WIPF1: variants seen among roughly 807,000 people sequenced by gnomAD.
WIPF1 encodes WAS/WASL-interacting protein family member 1.
Under a neutral mutation model 35.4 loss-of-function variants are expected in WIPF1, and 13 were observed. That is an observed-to-expected ratio of 0.37 (90% CI 0.24 to 0.58). The LOEUF is 0.58. Among genes scored for constraint, WIPF1 ranks in the 20% least tolerant of loss-of-function variants. The pLI, the probability that WIPF1 is intolerant of heterozygous loss-of-function variation, is 0.74. For synonymous variants in WIPF1, 267 were observed against 266.3 expected (o/e 1.00, Z -0.02); for missense variants, 591 against 667.0 (o/e 0.89, Z 1.25).
chr2:174,576,384 C>T (rs1231065676), intron 3 of WIPF1, among the ~76,000 whole-genome samples: 1 of 152,056 alleles, frequency 6.6e-6, no homozygotes, highest in Non-Finnish European at 1.5e-5. Context: ...ACTTTGTTAG[C>T]ACTTCTTGTG....
chr2:174,595,273 A>C (rs34377313), intron 1 of WIPF1, among the ~76,000 whole-genome samples: 39,562 of 133,672 alleles, frequency 0.3, 6,334 homozygotes, highest in Middle Eastern at 0.35. Flanking sequence ...TGTGGATGAC[A>C]GAGCAAAACC....
At chr2:174,565,184 C>T (rs1411538687) in intron 7 of WIPF1, among the ~76,000 whole-genome samples, 3 of 152,100 alleles carry the variant, frequency 2.0e-5, no homozygotes, top group South Asian at 2.1e-4. Flanking sequence ...CGTGAGCCAC[C>T]GTGCCTGGCC....
At position 174,561,369 on chromosome 2, in the gene WIPF1, C is replaced by T. The variant is rs900179777; in HGVS notation, c.*1178G>A. 1.3e-5 allele frequency: 2 copies of T among 152,222 alleles called. No homozygotes were observed. The highest frequency in any genetic ancestry group is 2.9e-5 in the Non-Finnish European group (2 of 68,072). The allele number at this position is 152,222 out of a possible 1,614,324, so 9.4% of individuals were successfully genotyped here. On this transcript the variant is annotated 3_prime_UTR_variant, in exon 8 of 8. Coordinates refer to ENST00000679041, the MANE Select transcript of WIPF1 (RefSeq NM_001375834.1). Reference sequence around the variant, plus strand: ...CTCCTACCAAGCCTTCCTAGTCTCTCCCAGCCTCAGGAGCTTGCTCAGCCA... The same window carrying T: ...CTCCTACCAAGCCTTCCTAGTCTCTTCCAGCCTCAGGAGCTTGCTCAGCCA...
At chr2:174,632,709 C>CAAAAAA (rs71024821) in intron 1 of WIPF1, among the ~76,000 whole-genome samples, 1 of 68,908 alleles carries the variant, frequency 1.5e-5, no homozygotes, top group Non-Finnish European at 2.6e-5. Flanking sequence ...AACTCCATCT[C>CAAAAAA]AAAAAAAAAA....
chr2:174,671,824 T>C (rs1328465434), intron 1 of WIPF1, among the ~76,000 whole-genome samples: 1 of 152,176 alleles, frequency 6.6e-6, no homozygotes, highest in African/African-American at 2.4e-5. Context: ...TCAAACCCTG[T>C]CTCCTGATGT....
intron 1 of WIPF1, chr2:174,676,910 C>T (rs1688144349): frequency 6.6e-6 from 1 of 152,052 alleles, no homozygotes; most frequent in African/African-American, 2.4e-5. Context: ...CACCTGTAAT[C>T]CCAGCCCTTT....
In WIPF1 at chr2:174,624,316, T is replaced by C. The variant is rs1317020396; in HGVS notation, c.-38-38705A>G. Among the ~76,000 whole-genome samples, 5 of 152,286 alleles carry C rather than the reference T, an allele frequency of 3.3e-5. No individual in the cohort carries two copies. The East Asian group carries it at 9.6e-4, about 29-fold the overall frequency. On this transcript the variant is annotated intron_variant, in intron 1 of 8. Coordinates refer to the WIPF1 transcript ENST00000272746. Reference sequence around the variant, plus strand: ...CCGCAAAATTCAAATCTTCTTAAACTTGGGGCCCTCTGAAAACATTAATCA... The same window carrying C: ...CCGCAAAATTCAAATCTTCTTAAACCTGGGGCCCTCTGAAAACATTAATCA...
chr2:174,602,655 C>T (rs1278395571), upstream of WIPF1, among the ~76,000 whole-genome samples: 2 of 152,230 alleles, frequency 1.3e-5, no homozygotes, highest in African/African-American at 4.8e-5. Flanking sequence ...GAATAATCCT[C>T]TCCACCACAT....
intron 7 of WIPF1, 114 bp from the exon 8 acceptor site, chr2:174,562,716 G>A: frequency 2.2e-6 from 3 of 1,362,228 alleles, no homozygotes; most frequent in Non-Finnish European, 3.1e-6. Context: ...GACCAGGGCT[G>A]TCAGCTAACT....
rs772302114 is a variant in WIPF1 at position 174,575,331 on chromosome 2, G to A, written c.231C>T (p.Gly77=). ...AGGGGGGFGG[G]GGFGGGGGGG... ...CACCACCTCCTCCGCCAAATCCGCC[G>A]CCTCCACCAAAGCCACCACCACCGC... Residue 77 remains glycine, a synonymous_variant, in exon 4 of 8, where the codon GGC becomes GGT. Transcript: ENST00000679041. The A allele has an allele frequency of 3.0e-5, 48 of 1,613,146 alleles. No individual in the cohort carries two copies. The highest frequency in any genetic ancestry group is 3.6e-5 in the Non-Finnish European group (43 of 1,179,708).
chr2:174,672,701 C>T (rs1688045785), intron 1 of WIPF1, among the ~76,000 whole-genome samples: 1 of 152,164 alleles, frequency 6.6e-6, no homozygotes, highest in Non-Finnish European at 1.5e-5. Context: ...TGGTGTGTCC[C>T]ATCGGAGGCA....
chr2:174,657,879 C>T (rs1188570584), intron 1 of WIPF1, among the ~76,000 whole-genome samples: 3 of 134,426 alleles, frequency 2.2e-5, no homozygotes, highest in Admixed American at 8.7e-5. Flanking sequence ...CATTGCACTT[C>T]GGCCTGGACA....
chr2:174,580,424 A>G (rs1312366738), intron 3 of WIPF1, among the ~76,000 whole-genome samples: 4 of 152,206 alleles, frequency 2.6e-5, no homozygotes, highest in Non-Finnish European at 5.9e-5. Flanking sequence ...TTTCTCCCAG[A>G]AAGTTCCCTG....
intron 1 of WIPF1, among the ~76,000 whole-genome samples, chr2:174,640,102 C>T (rs2105946231): frequency 6.6e-6 from 1 of 152,008 alleles, no homozygotes; most frequent in Non-Finnish European, 1.5e-5. Context: ...GATACAAAAT[C>T]AACGCATAAA....
At position 174,635,922 on chromosome 2, in the gene WIPF1, T is replaced by C. The variant is rs1687173435; in HGVS notation, c.-39+46852A>G. On this transcript the variant is annotated intron_variant, in intron 1 of 8. Coordinates refer to the WIPF1 transcript ENST00000272746. Reference sequence around the variant, plus strand: ...AGTAAAACCCTGAAGTCTCACCACATGATTGCACTTCTGGCTTTGAAAACA... The same window carrying C: ...AGTAAAACCCTGAAGTCTCACCACACGATTGCACTTCTGGCTTTGAAAACA... Among the ~76,000 whole-genome samples the C allele has an allele frequency of 1.3e-5, 2 of 152,272 alleles. 1 individual carries two copies. Among genetic ancestry groups the C allele is most frequent in the South Asian group, 4.1e-4 (2 of 4,828 alleles).
At chr2:174,660,241 G>C (rs1282087813) in intron 1 of WIPF1, among the ~76,000 whole-genome samples, 2 of 152,210 alleles carry the variant, frequency 1.3e-5, no homozygotes, top group African/African-American at 4.8e-5. Context: ...ATAAAGAAGT[G>C]TATTCTAAAC....
Position 174,571,691 on chromosome 2 carries a change from G to A in WIPF1, c.1114C>T (p.Pro372Ser). 6.2e-7 allele frequency: 1 copy of A among 1,614,174 alleles called. No homozygotes were observed. Among genetic ancestry groups the A allele is most frequent in the Non-Finnish European group, 8.5e-7 (1 of 1,180,046 alleles). ...SERPPPPVRD[P>S]PGRSGPLPPP... ...CTTGTCATACCTGATCGGCCTGGCG[G>A]GTCCCTCACTGGAGGTGGGGGTCTC... is the stretch of plus-strand genomic sequence containing the variant. Residue 372 changes from proline (P) to serine (S), a missense_variant, in exon 5 of 8, where the codon CCG becomes TCG. By Grantham distance (74) the Pro-to-Ser change is moderately conservative (BLOSUM62 -1). This residue lies in a region of WIPF1 where 471 missense variants were observed against 501.1 expected (regional missense o/e 0.94). Transcript: ENST00000679041. The surrounding 1 kb of genome is among the most constrained non-coding windows in gnomAD (Gnocchi z 4.6).
chr2:174,654,454 T>C (rs1420165905), intron 1 of WIPF1, among the ~76,000 whole-genome samples: 1 of 152,168 alleles, frequency 6.6e-6, no homozygotes, highest in East Asian at 1.9e-4. Context: ...TTTCTATTCA[T>C]TAAAGCTTTC....
At chr2:174,595,261 A>G (rs572727496) in intron 1 of WIPF1, among the ~76,000 whole-genome samples, 1 of 137,146 alleles carries the variant, frequency 7.3e-6, no homozygotes, top group South Asian at 2.4e-4. Context: ...ATTGCACTCC[A>G]GTGTGGATGA....
Sources: allele counts gnomAD v4.1 joint callset (sites outside exome capture counted in the v4.1 genomes callset), GRCh38; gene constraint gnomAD v4.1.1; regional missense constraint gnomAD v4.1.1; non-coding constraint Gnocchi (gnomAD v3.1); transcripts MANE v1.5; gene names NCBI Gene and HGNC (gene_info 2026-07-23, HGNC 2026-07-21).